Variants in PEX3 observed in about 807,000 individuals in gnomAD.
PEX3 encodes peroxisomal biogenesis factor 3.
A neutral mutation model predicts 55.8 loss-of-function variants in PEX3; 30 were observed. The ratio of observed to expected loss-of-function variants is 0.54; its 90% CI spans 0.40 to 0.73. The LOEUF (loss-of-function observed/expected upper bound fraction) is 0.73. Among genes scored for constraint, PEX3 ranks in the 30% least tolerant of loss-of-function variants. PEX3 has a pLI of 0.00. For missense variants in PEX3, 351 were observed against 432.8 expected (o/e 0.81, Z 1.68); for synonymous variants, 135 against 148.4 (o/e 0.91, Z 0.66).
chr6:143,452,331 C>G (rs1403072404), intron 1 of PEX3, among the ~76,000 whole-genome samples: 2 of 152,162 alleles, frequency 1.3e-5, no homozygotes, highest in Non-Finnish European at 2.9e-5. Context: ...CTGATATCTT[C>G]AGTCGCTAGT....
Position 143,483,798 on chromosome 6 carries a change from A to ATC in PEX3, c.942-1354_942-1353insTC, listed in dbSNP as rs1780276565. Among the ~76,000 whole-genome samples, 1 of 152,194 alleles carries ATC rather than the reference A, an allele frequency of 6.6e-6. No individual in the cohort carries two copies. The highest frequency in any genetic ancestry group is 2.1e-4 in the South Asian group (1 of 4,826). Reference sequence around the variant, plus strand: ...AGTATGTATTGGATGTCCACTGTACACAAGACCTTTTACTATGTGCTGGGA... The same window carrying ATC: ...AGTATGTATTGGATGTCCACTGTACATCCAAGACCTTTTACTATGTGCTGGGA... On this transcript the variant is annotated intron_variant, in intron 10 of 11. Transcript: ENST00000367591. The surrounding 1 kb of genome is among the most constrained non-coding windows in gnomAD (Gnocchi z 4.3).
At chr6:143,481,349 A>G (rs902011121) in intron 10 of PEX3, among the ~76,000 whole-genome samples, 2 of 151,886 alleles carry the variant, frequency 1.3e-5, no homozygotes, top group African/African-American at 2.4e-5. Context: ...ATTTTTCAGA[A>G]TGTCTCTCAT....
At position 143,485,920 on chromosome 6, in the gene PEX3, G is replaced by A. The variant is rs934412112; in HGVS notation, c.1038+672G>A. Among the ~76,000 whole-genome samples the A allele has an allele frequency of 4.6e-5, 7 of 152,124 alleles. No homozygotes were observed. On this transcript the variant is annotated intron_variant, in intron 11 of 11. Transcript: ENST00000367591. The surrounding 1 kb of genome is among the most constrained non-coding windows in gnomAD (Gnocchi z 5.6). ...AGTTAAAAAATTGTTTGCAATGCCA[G>A]TTGCAAACTGCTTCAATAATGTACA...
rs116692495 is a variant in PEX3, at chr6:143,451,039, A to G, written c.-4A>G. On this transcript the variant is annotated 5_prime_UTR_variant, in exon 1 of 12. Coordinates refer to ENST00000367591, the MANE Select transcript of PEX3 (RefSeq NM_003630.3). This position sits in a 1 kb window ranked among gnomAD's most constrained non-coding sequence, Gnocchi z 4.1. The stretch of plus-strand genomic sequence containing the variant: ...TAGTCAGCCCACACCCCTAGGGCCT[A>G]AAGATGCTGAGGTCTGTATGGAATT... The G allele has an allele frequency of 9.4e-4, 1,512 of 1,610,084 alleles. 9 individuals are homozygous for G. The African/African-American group carries it at 0.012, about 13-fold the overall frequency.
In PEX3 at chr6:143,474,849, T is replaced by C; in HGVS notation, c.811T>C (p.Leu271=). Residue 271 remains leucine (L), a synonymous_variant, in exon 9 of 12, where the codon TTG becomes CTG. Transcript: ENST00000367591. ...ACTTCTCAATGAAACTAGAGACATG[T>C]TGGAAAGGTATGTATACTTCATGTA... ...IKLLNETRDM[L]ESPDFSTVLN... is the part of the protein sequence containing the mutation. 6.4e-7 allele frequency: 1 copy of C among 1,557,574 alleles called. No individual in the cohort carries two copies. The highest frequency in any genetic ancestry group is 8.9e-7 in the Non-Finnish European group (1 of 1,128,802).
At position 143,485,028 on chromosome 6, in the gene PEX3, T is replaced by C; in HGVS notation, c.942-124T>C. 1 of 705,716 alleles carries C rather than the reference T, an allele frequency of 1.4e-6. No homozygotes were observed. The allele number at this position is 705,716 out of a possible 1,614,324, so 43.7% of individuals were successfully genotyped here. A position where few individuals can be genotyped will look rare whatever the true frequency, so the allele number is the denominator to read the frequency against. ...TTCTAAGCGATAGAATTGTGGGGTT[T>C]TTTTTCCTTTTTAATAGATTTCCAA... On this transcript the variant is annotated intron_variant, in intron 10 of 11. Transcript: ENST00000367591. The surrounding 1 kb of genome is among the most constrained non-coding windows in gnomAD (Gnocchi z 5.6).
rs762383411 is a variant in PEX3 at position 143,488,172 on chromosome 6, A to C, written c.1039-971A>C. 1.2e-4 allele frequency among the ~76,000 whole-genome samples: 18 copies of C among 152,056 alleles called. No individual in the cohort carries two copies. Among genetic ancestry groups the C allele is most frequent in the Non-Finnish European group, 2.4e-4 (16 of 67,962 alleles). On this transcript the variant is annotated intron_variant, in intron 11 of 11. Transcript: ENST00000367591. This position sits in a 1 kb window ranked among gnomAD's most constrained non-coding sequence, Gnocchi z 4.9. ...AATTGATTGAGATTAGGACATGTCT[A>C]AACCTCACTTGGATTTTCCGATACT...
rs1005890084 is a variant in PEX3, at chr6:143,475,735, A to C, written c.818+879A>C. On this transcript the variant is annotated intron_variant, in intron 9 of 11. Transcript: ENST00000367591. This position sits in a 1 kb window ranked among gnomAD's most constrained non-coding sequence, Gnocchi z 4.4. The stretch of plus-strand genomic sequence containing the variant: ...CTTCATTGGCAACTGCCTCCCAGGC[A>C]ATGTTTTATACTCCCATTACTTTAC... Among the ~76,000 whole-genome samples, 6 of 152,348 alleles carry C rather than the reference A, an allele frequency of 3.9e-5. No individual in the cohort carries two copies. Among genetic ancestry groups the C allele is most frequent in the African/African-American group, 1.4e-4 (6 of 41,592 alleles).
chr6:143,489,184 T>C lies in PEX3; in HGVS notation c.1080T>C (p.Asn360=). 6.2e-7 allele frequency: 1 copy of C among 1,610,328 alleles called. No individual in the cohort carries two copies. Among genetic ancestry groups the C allele is most frequent in the African/African-American group, 1.3e-5 (1 of 74,974 alleles). Residue 360 remains asparagine, a synonymous_variant, in exon 12 of 12, where the codon AAT becomes AAC. Coordinates refer to ENST00000367591, the MANE Select transcript of PEX3 (RefSeq NM_003630.3). This position sits in a 1 kb window ranked among gnomAD's most constrained non-coding sequence, Gnocchi z 5.5. ...TMEQVKDFAA[N]VYEAFSTPQQ... is the part of the protein sequence containing the mutation. ...AGCAAGTGAAAGACTTTGCTGCTAA[T>C]GTGTATGAAGCTTTTAGTACCCCTC...
Position 143,490,171 on chromosome 6 carries a change from C to A in PEX3, c.*945C>A, listed in dbSNP as rs1780367838. ...GTTAACTTGTTCATTTAGTAAAAAG[C>A]AAATAGCTTTACTTTCTGAAAAAGA... On this transcript the variant is annotated 3_prime_UTR_variant, in exon 12 of 12. Transcript: ENST00000367591. The surrounding 1 kb of genome is among the most constrained non-coding windows in gnomAD (Gnocchi z 6.0). Among the ~76,000 whole-genome samples the A allele has an allele frequency of 6.6e-6, 1 of 152,042 alleles. No homozygotes were observed. Among genetic ancestry groups the A allele is most frequent in the Non-Finnish European group, 1.5e-5 (1 of 67,980 alleles).
intron 8 of PEX3, among the ~76,000 whole-genome samples, chr6:143,472,771 A>G (rs1780093340): frequency 1.3e-5 from 2 of 152,184 alleles, no homozygotes; most frequent in Non-Finnish European, 1.5e-5. Flanking sequence ...TAGACAAAGA[A>G]AGGTAGATTT....
rs533882927 is a variant in PEX3, at chr6:143,475,384, G to A, written c.818+528G>A. Reference sequence around the variant, plus strand: ...TCAGTGTTTCCAACCTGGTGCAGCAGCTCATGCTTGTAATCCCAGCACTTT... The same window carrying A: ...TCAGTGTTTCCAACCTGGTGCAGCAACTCATGCTTGTAATCCCAGCACTTT... On this transcript the variant is annotated intron_variant, in intron 9 of 11. Transcript: ENST00000367591. This position sits in a 1 kb window ranked among gnomAD's most constrained non-coding sequence, Gnocchi z 4.4. Among the ~76,000 whole-genome samples the A allele has an allele frequency of 1.3e-5, 2 of 152,228 alleles. No homozygotes were observed. Among genetic ancestry groups the A allele is most frequent in the South Asian group, 4.1e-4 (2 of 4,824 alleles).
At chr6:143,467,631 G>C (rs990140909) in intron 3 of PEX3, among the ~76,000 whole-genome samples, 6 of 152,076 alleles carry the variant, frequency 3.9e-5, no homozygotes, top group African/African-American at 1.2e-4. Flanking sequence ...AAATCAAAAG[G>C]ATTCAGGAGG....
chr6:143,461,853 C>T (rs1208347153), intron 2 of PEX3, among the ~76,000 whole-genome samples: 1 of 152,144 alleles, frequency 6.6e-6, no homozygotes, highest in Non-Finnish European at 1.5e-5. Context: ...GAATCTGAGG[C>T]AGGAGGATCG....
rs1376621530 is a variant in PEX3 at position 143,466,175 on chromosome 6, T to G, written c.288-1947T>G. Among the ~76,000 whole-genome samples, 1 of 152,068 alleles carries G rather than the reference T, an allele frequency of 6.6e-6. No individual in the cohort carries two copies. The highest frequency in any genetic ancestry group is 2.4e-5 in the African/African-American group (1 of 41,452). On this transcript the variant is annotated intron_variant, in intron 3 of 11. Coordinates refer to ENST00000367591, the MANE Select transcript of PEX3 (RefSeq NM_003630.3). This position sits in a 1 kb window ranked among gnomAD's most constrained non-coding sequence, Gnocchi z 5.4. ...TCTGTATACAATAGTCCCATCCACCTTATCCATGGTTTCACTTTCCAAGGT... is the reference window on the plus strand; with the variant it reads ...TCTGTATACAATAGTCCCATCCACCGTATCCATGGTTTCACTTTCCAAGGT...
At chr6:143,484,950 T>C (rs562556617) in intron 10 of PEX3, 22 of 548,636 alleles carry the variant, frequency 4.0e-5, no homozygotes, top group African/African-American at 3.2e-4. Context: ...AACAAAGATA[T>C]GTGTAAAAAA....
chr6:143,468,034 A>T (rs1035928300), intron 3 of PEX3, 88 bp from the exon 4 acceptor site: 34 of 756,266 alleles, frequency 4.5e-5, no homozygotes, highest in East Asian at 1.4e-4. Context: ...AATTTTTTTT[A>T]AAAAGTAAAA....
chr6:143,455,262 G>C (rs924501214), intron 1 of PEX3, among the ~76,000 whole-genome samples: 1 of 150,964 alleles, frequency 6.6e-6, no homozygotes, highest in Non-Finnish European at 1.5e-5. Flanking sequence ...GCTCGATCTC[G>C]GCTCACGGCA....
Position 143,459,247 on chromosome 6 carries a change from A to G in PEX3, c.205+31A>G. The G allele has an allele frequency of 6.3e-7, 1 of 1,594,904 alleles. No homozygotes were observed. The highest frequency in any genetic ancestry group is 8.6e-7 in the Non-Finnish European group (1 of 1,163,244). On this transcript the variant is annotated intron_variant, in intron 2 of 11. Coordinates refer to ENST00000367591, the MANE Select transcript of PEX3 (RefSeq NM_003630.3). This position sits in a 1 kb window ranked among gnomAD's most constrained non-coding sequence, Gnocchi z 4.2. The stretch of plus-strand genomic sequence containing the variant: ...ACAGAGAAATATTTATACATGTGTA[A>G]AGTTGTTTGACGGTTGTATTAATTT...
Sources: allele counts gnomAD v4.1 joint callset (sites outside exome capture counted in the v4.1 genomes callset), GRCh38; gene constraint gnomAD v4.1.1; non-coding constraint Gnocchi (gnomAD v3.1); transcripts MANE v1.5; gene names NCBI Gene and HGNC (gene_info 2026-07-23, HGNC 2026-07-21).